Variants in NAV2 observed in about 807,000 individuals in gnomAD.
NAV2 encodes neuron navigator 2, also known as helicase, APC down-regulated 1.
A neutral mutation model predicts 223.2 loss-of-function variants in NAV2; 54 were observed. The ratio of observed to expected loss-of-function variants is 0.24; its 90% CI spans 0.19 to 0.30. The LOEUF (loss-of-function observed/expected upper bound fraction) is 0.30. NAV2 is among the 10% of genes least tolerant of loss of function. The pLI, the probability that NAV2 is intolerant of heterozygous loss-of-function variation, is 1.00. For synonymous variants in NAV2, 1,279 were observed against 1,239.3 expected (o/e 1.03, Z -0.67); for missense variants, 2,806 against 3,147.5 (o/e 0.89, Z 2.60).
intron 1 of NAV2, among the ~76,000 whole-genome samples, chr11:19,590,874 G>A (rs1227300192): frequency 6.6e-6 from 1 of 152,110 alleles, no homozygotes; most frequent in Non-Finnish European, 1.5e-5. Context: ...TTCAAGATAG[G>A]CCTTTCTAGA....
chr11:19,907,304 G>T (rs182469641), intron 6 of NAV2, among the ~76,000 whole-genome samples: 1 of 152,100 alleles, frequency 6.6e-6, no homozygotes, highest in East Asian at 1.9e-4. Flanking sequence ...CCCTGTAGCC[G>T]CCTCTTCTTG....
chr11:19,719,827 G>A (rs2050616327), intron 1 of NAV2, among the ~76,000 whole-genome samples: 3 of 152,174 alleles, frequency 2.0e-5, no homozygotes, highest in South Asian at 2.1e-4. Context: ...TCACAGGTTG[G>A]TCCCAGACAT....
At chr11:20,007,463 A>G (rs949520670) in intron 11 of NAV2, among the ~76,000 whole-genome samples, 1 of 152,238 alleles carries the variant, frequency 6.6e-6, no homozygotes, top group Non-Finnish European at 1.5e-5. Context: ...GCTTTGCCTC[A>G]TCTCTCCACA....
intron 32 of NAV2, among the ~76,000 whole-genome samples, chr11:20,102,105 C>G (rs554287123): frequency 6.6e-6 from 1 of 152,266 alleles, no homozygotes; most frequent in East Asian, 1.9e-4. Flanking sequence ...ACCCAGAGCT[C>G]TTCTGTTGAG....
chr11:19,422,228 C>A (rs1850644547), intron 1 of NAV2, among the ~76,000 whole-genome samples: 1 of 152,180 alleles, frequency 6.6e-6, no homozygotes, highest in South Asian at 2.1e-4. Context: ...CAGTGCCAGT[C>A]TGGGGGGCGG....
At chr11:19,464,325 G>A (rs1852271733) in intron 1 of NAV2, among the ~76,000 whole-genome samples, 1 of 152,204 alleles carries the variant, frequency 6.6e-6, no homozygotes, top group South Asian at 2.1e-4. Flanking sequence ...ACACTCTTGG[G>A]GGTCATTGGC....
At chr11:20,032,891 C>T (rs1049315711) in intron 11 of NAV2, among the ~76,000 whole-genome samples, 2 of 152,234 alleles carry the variant, frequency 1.3e-5, no homozygotes, top group Non-Finnish European at 2.9e-5. Flanking sequence ...ATGGAAGGCA[C>T]GTGGTCCACC....
intron 1 of NAV2, among the ~76,000 whole-genome samples, chr11:19,756,321 A>T (rs1001943169): frequency 1.3e-5 from 2 of 152,208 alleles, no homozygotes; most frequent in Non-Finnish European, 2.9e-5. Flanking sequence ...AACTAATTAA[A>T]TCTGTAAAGA....
chr11:19,996,545 C>T (rs1355853568), intron 11 of NAV2, among the ~76,000 whole-genome samples: 1 of 152,318 alleles, frequency 6.6e-6, no homozygotes, highest in South Asian at 2.1e-4. Flanking sequence ...CTCTGAAGGA[C>T]ATTTAACTGT....
At chr11:19,542,240 C>T (rs2044359962) in intron 1 of NAV2, among the ~76,000 whole-genome samples, 1 of 152,226 alleles carries the variant, frequency 6.6e-6, no homozygotes, top group Non-Finnish European at 1.5e-5. Context: ...AATGGGTACC[C>T]TTTAAGGAAC....
At chr11:19,686,573 A>C (rs1271103011) in intron 1 of NAV2, among the ~76,000 whole-genome samples, 1 of 152,134 alleles carries the variant, frequency 6.6e-6, no homozygotes, top group Non-Finnish European at 1.5e-5. Context: ...CCTCTCACTT[A>C]AAGGGGTTGT....
At chr11:19,801,982 C>T (rs1044849213) in intron 1 of NAV2, among the ~76,000 whole-genome samples, 3 of 151,974 alleles carry the variant, frequency 2.0e-5, no homozygotes, top group African/African-American at 4.8e-5. Context: ...CACCCTTGTC[C>T]GGAGGAGAAT....
chr11:19,660,275 C>A (rs534038621), intron 1 of NAV2, among the ~76,000 whole-genome samples: 1 of 152,166 alleles, frequency 6.6e-6, no homozygotes, highest in Non-Finnish European at 1.5e-5. Context: ...AGGGGCTGCC[C>A]CAGCAGGGCT....
At chr11:19,970,834 T>C (rs1282817982) in intron 10 of NAV2, among the ~76,000 whole-genome samples, 1 of 152,228 alleles carries the variant, frequency 6.6e-6, no homozygotes, top group Non-Finnish European at 1.5e-5. Flanking sequence ...GTCTTCATTT[T>C]GCATCTGAAA....
intron 1 of NAV2, among the ~76,000 whole-genome samples, chr11:19,688,910 G>A (rs11828707): frequency 0.036 from 5,406 of 152,110 alleles, 291 homozygotes; most frequent in African/African-American, 0.12. Context: ...TGCACAAAGA[G>A]CCCAATTTGG....
At chr11:20,071,746 T>C (rs1396131655) in intron 22 of NAV2, among the ~76,000 whole-genome samples, 3 of 152,236 alleles carry the variant, frequency 2.0e-5, no homozygotes, top group Non-Finnish European at 4.4e-5. Flanking sequence ...TTGAAAAGTG[T>C]CTGTTCATAT....
chr11:20,090,600 G>A (rs758688275), intron 26 of NAV2, among the ~76,000 whole-genome samples: 1 of 152,054 alleles, frequency 6.6e-6, no homozygotes, highest in Non-Finnish European at 1.5e-5. Flanking sequence ...AAATAGAAAA[G>A]TAACAATACA....
chr11:19,469,930 C>T (rs1463157744), intron 1 of NAV2, among the ~76,000 whole-genome samples: 1 of 152,238 alleles, frequency 6.6e-6, no homozygotes, highest in Non-Finnish European at 1.5e-5. Context: ...GCCACCTGTG[C>T]CTTTTCATTA....
chr11:19,541,203 G>A (rs1331616680), intron 1 of NAV2, among the ~76,000 whole-genome samples: 1 of 152,220 alleles, frequency 6.6e-6, no homozygotes, highest in Non-Finnish European at 1.5e-5. Flanking sequence ...GGAGGCAGAT[G>A]AGTTGACCAT....
Sources: allele counts gnomAD v4.1 joint callset (sites outside exome capture counted in the v4.1 genomes callset), GRCh38; gene constraint gnomAD v4.1.1; transcripts MANE v1.5; gene names NCBI Gene and HGNC (gene_info 2026-07-23, HGNC 2026-07-21).